MCAT: variants seen among roughly 807,000 people sequenced by gnomAD.
The protein encoded by MCAT is malonyl-CoA-acyl carrier protein transacylase.
A neutral mutation model predicts 22.9 loss-of-function variants in MCAT; 22 were observed. The ratio of observed to expected loss-of-function variants is 0.96; its 90% CI spans 0.69 to 1.37. MCAT has a LOEUF of 1.37. Ranked by LOEUF, MCAT falls within the 40% of genes most tolerant of loss-of-function variation. The probability of loss-of-function intolerance (pLI) is 0.00; values close to 1 mark genes in which losing one functional copy is unlikely to be tolerated. For synonymous variants in MCAT, 240 were observed against 233.9 expected (o/e 1.03, Z -0.24); for missense variants, 534 against 533.6 (o/e 1.00, Z -0.01).
rs781067666 is a variant in MCAT, at chr22:43,133,106, G to A, written c.1110C>T (p.Ser370=). The A allele has an allele frequency of 1.2e-5, 20 of 1,614,084 alleles. No individual in the cohort carries two copies. The East Asian group carries it at 1.3e-4, about 11-fold the overall frequency. The change falls in exon 4 of 4, where the codon AGC becomes AGT. Residue 370 remains serine, a synonymous_variant. Transcript: ENST00000290429. ...CGAGGGTCTGCAGCACATCCACGGC[G>A]CTGTAGGACTTCCAGGCCTGCATGT... ...SCNMQAWKSY[S]AVDVLQTLEH...
intron 2 of MCAT, among the ~76,000 whole-genome samples, chr22:43,140,306 C>G (rs922057448): frequency 1.3e-5 from 2 of 152,128 alleles, no homozygotes; most frequent in African/African-American, 4.8e-5. Context: ...TCCTGAGTAG[C>G]TGGAATTACA....
In MCAT at chr22:43,142,829, T is replaced by C. The variant is rs957492708; in HGVS notation, c.423+97A>G. The C allele has an allele frequency of 3.2e-6, 4 of 1,267,538 alleles. No individual in the cohort carries two copies. In the African/African-American group the frequency reaches 6.4e-5, roughly 20 times the overall value. The allele number at this position is 1,267,538 out of a possible 1,614,324, so 78.5% of individuals were successfully genotyped here. On this transcript the variant is annotated intron_variant, in intron 1 of 3. Transcript: ENST00000290429. The stretch of plus-strand genomic sequence containing the variant: ...AAAACTCGATCGAATGAGTAAGACG[T>C]GGGAGCCCCCGGAATGGCAGGCGGA...
Position 43,137,080 on chromosome 22 carries a change from C to T in MCAT, c.729+1G>A. 6.2e-7 allele frequency: 1 copy of T among 1,614,060 alleles called. No homozygotes were observed. The highest frequency in any genetic ancestry group is 8.5e-7 in the Non-Finnish European group (1 of 1,179,900). On this transcript the variant is annotated splice_donor_variant, in intron 3 of 3. Coordinates refer to ENST00000290429, the MANE Select transcript of MCAT (RefSeq NM_173467.5). LOFTEE classifies it high-confidence loss of function. ...TGAAGGCAGTTCCCATCAACACCCA[C>T]CTCTTGGTGTCCTGAAATCACCCTG...
In MCAT at chr22:43,138,712, G is replaced by A. The variant is rs144660490; in HGVS notation, c.512-1414C>T. Reference sequence around the variant, plus strand: ...TGTTCATGCCACTGTATTCCAGCCTGGGTGACAGAGCGAGACCCTGTCTCA... The same window carrying A: ...TGTTCATGCCACTGTATTCCAGCCTAGGTGACAGAGCGAGACCCTGTCTCA... On this transcript the variant is annotated intron_variant, in intron 2 of 3. Transcript: ENST00000290429. 3.2e-3 allele frequency among the ~76,000 whole-genome samples: 484 copies of A among 152,086 alleles called. 2 individuals carry two copies. Among genetic ancestry groups the A allele is most frequent in the African/African-American group, 0.011 (437 of 41,458 alleles).
intron 2 of MCAT, among the ~76,000 whole-genome samples, chr22:43,137,509 A>C (rs2072855): frequency 0.55 from 83,718 of 151,998 alleles, 26,298 homozygotes; most frequent in Non-Finnish European, 0.7. Flanking sequence ...GCACTATACA[A>C]ACTAACCCAA....
rs541364511 is a variant in MCAT at position 43,141,216 on chromosome 22, T to C, written c.457A>G (p.Ser153Gly). The C allele has an allele frequency of 5.0e-6, 8 of 1,614,092 alleles. No homozygotes were observed. Among genetic ancestry groups the C allele is most frequent in the African/African-American group, 4.0e-5 (3 of 75,036 alleles). The change falls in exon 2 of 4, where the codon AGT (serine) becomes GGT (glycine). Residue 153 changes from serine (S) to glycine (G), a missense_variant. Physicochemically the swap from Ser to Gly is moderately conservative, Grantham distance 56. Transcript: ENST00000290429. The part of the protein sequence containing the change: ...IENCVAAAGF[S>G]VGEFAALVFA... ...ACTAGGGCTGCAAACTCTCCCACAC[T>C]GAATCCAGCAGCAGCAACACAGTTC... is the stretch of plus-strand genomic sequence containing the variant.
In MCAT at chr22:43,142,909, G is replaced by A; in HGVS notation, c.423+17C>T. ...GAGCTCACCTTCCCCCTCCTGTCAC[G>A]GGGCCTCGGGCCTCACCGAGGGCTG... On this transcript the variant is annotated intron_variant, in intron 1 of 3. Transcript: ENST00000290429. 2 of 1,506,482 alleles carry A rather than the reference G, an allele frequency of 1.3e-6. No homozygotes were observed. The highest frequency in any genetic ancestry group is 1.3e-5 in the South Asian group (1 of 76,978). 93.3% of individuals were successfully genotyped at this position (1,506,482 alleles called of 1,614,324 possible). A position where few individuals can be genotyped will look rare whatever the true frequency, so the allele number is the denominator to read the frequency against.
At position 43,132,939 on chromosome 22, in the gene MCAT, A is replaced by C. The variant is rs1930487559; in HGVS notation, c.*104T>G. On this transcript the variant is annotated 3_prime_UTR_variant, in exon 4 of 4. Coordinates refer to ENST00000290429, the MANE Select transcript of MCAT (RefSeq NM_173467.5). ...AGCACGTTGCAAACAAATCCCTTTC[A>C]CTCCTCAGAGGAGGAGCCATTAGGA... is the stretch of plus-strand genomic sequence containing the variant. 3 of 1,050,112 alleles carry C rather than the reference A, an allele frequency of 2.9e-6. No homozygotes were observed. In the Admixed American group the frequency reaches 7.1e-5, roughly 25 times the overall value. The allele number at this position is 1,050,112 out of a possible 1,614,324, so 65.0% of individuals were successfully genotyped here. A position where few individuals can be genotyped will look rare whatever the true frequency, so the allele number is the denominator to read the frequency against.
intron 3 of MCAT, among the ~76,000 whole-genome samples, chr22:43,136,593 G>A (rs567780066): frequency 2.9e-4 from 44 of 152,320 alleles, no homozygotes; most frequent in African/African-American, 1.0e-3. Flanking sequence ...CAGGAACCCT[G>A]GCTAATCAGT....
chr22:43,143,078 A>G lies in MCAT; in HGVS notation c.271T>C (p.Tyr91His), dbSNP rs759190029. The G allele has an allele frequency of 3.7e-6, 6 of 1,608,218 alleles. No homozygotes were observed. The Admixed American group carries it at 5.0e-5, about 13-fold the overall frequency. ...LLNYPRVREL[Y>H]AAARRVLGYD... Reference sequence around the variant, plus strand: ...CCCAGCACGCGGCGGGCGGCGGCGTAGAGTTCGCGGACGCGCGGGTAGTTG... The same window carrying G: ...CCCAGCACGCGGCGGGCGGCGGCGTGGAGTTCGCGGACGCGCGGGTAGTTG... The change falls in exon 1 of 4, where the codon TAC (tyrosine) becomes CAC (histidine). Residue 91 changes from tyrosine (Y) to histidine (H), a missense_variant. By Grantham distance (83) the Tyr-to-His change is moderately conservative. Transcript: ENST00000290429.
intron 3 of MCAT, among the ~76,000 whole-genome samples, chr22:43,136,016 G>A (rs1283639948): frequency 1.3e-5 from 2 of 152,200 alleles, no homozygotes; most frequent in African/African-American, 4.8e-5. Context: ...GCTGAGGTGG[G>A]GGGATCCCTT....
At position 43,143,359 on chromosome 22, in the gene MCAT, C is replaced by T. The variant is rs779152256; in HGVS notation, c.-11G>A. ...GACCCGGACGCTCATGGTCGGACACCTGCCCGCGCGCGTTACCGTGGCGAC... is the reference window on the plus strand; with the variant it reads ...GACCCGGACGCTCATGGTCGGACACTTGCCCGCGCGCGTTACCGTGGCGAC... On this transcript the variant is annotated 5_prime_UTR_variant, in exon 1 of 4. Coordinates refer to ENST00000290429, the MANE Select transcript of MCAT (RefSeq NM_173467.5). 1.6e-5 allele frequency: 22 copies of T among 1,357,468 alleles called. No individual in the cohort carries two copies. Among genetic ancestry groups the T allele is most frequent in the African/African-American group, 3.1e-5 (2 of 65,052 alleles). 84.1% of individuals were successfully genotyped at this position (1,357,468 alleles called of 1,614,324 possible).
At chr22:43,141,357 T>G (rs575507909) in intron 1 of MCAT, 108 bp from the exon 2 acceptor site, 3 of 879,346 alleles carry the variant, frequency 3.4e-6, no homozygotes, top group Non-Finnish European at 5.6e-6. Flanking sequence ...TGAGCCAGGT[T>G]CTACGAACTT....
rs371088583 is a variant in MCAT, at chr22:43,141,507, T to C, written c.424-258A>G. Among the ~76,000 whole-genome samples, 11 of 152,290 alleles carry C rather than the reference T, an allele frequency of 7.2e-5. No homozygotes were observed. In the East Asian group the frequency reaches 1.7e-3, roughly 24 times the overall value. On this transcript the variant is annotated intron_variant, in intron 1 of 3. Coordinates refer to ENST00000290429, the MANE Select transcript of MCAT (RefSeq NM_173467.5). ...TCACACTGACGCCAACCCAGGGCTC[T>C]GGATTCCCTTGCCATGGCCCTGCAG...
In MCAT at chr22:43,142,925, C is replaced by T. The variant is rs1488653461; in HGVS notation, c.423+1G>A. 28 of 1,547,422 alleles carry T rather than the reference C, an allele frequency of 1.8e-5. No individual in the cohort carries two copies. The highest frequency in any genetic ancestry group is 2.4e-5 in the Non-Finnish European group (28 of 1,144,346). On this transcript the variant is annotated splice_donor_variant, in intron 1 of 3. Transcript: ENST00000290429. LOFTEE classifies it high-confidence loss of function. ...TCCTGTCACGGGGCCTCGGGCCTCA[C>T]CGAGGGCTGCAGGTGATGTAGTTTC...
intron 3 of MCAT, among the ~76,000 whole-genome samples, chr22:43,134,291 G>A (rs1002562521): frequency 6.6e-5 from 10 of 152,110 alleles, no homozygotes; most frequent in Admixed American, 4.6e-4. Flanking sequence ...AAGGGGCCTC[G>A]GGCGAGCCAA....
At chr22:43,133,807 C>CT (rs59733103) in intron 3 of MCAT, among the ~76,000 whole-genome samples, 8,006 of 141,236 alleles carry the variant, frequency 0.057, 250 homozygotes, top group Non-Finnish European at 0.065. Flanking sequence ...AATGAGAATT[C>CT]TTTTTTTTTT....
chr22:43,140,740 C>T (rs1043442740), intron 2 of MCAT: 1 of 166,630 alleles, frequency 6.0e-6, no homozygotes, highest in African/African-American at 2.4e-5. Context: ...GTCCTCCTGC[C>T]TTGGCCTCCC....
At chr22:43,141,315 C>A in intron 1 of MCAT, 66 bp from the exon 2 acceptor site, 1 of 1,380,392 alleles carries the variant, frequency 7.2e-7, no homozygotes, top group Non-Finnish European at 1.0e-6. Flanking sequence ...GGGCTCTGTA[C>A]CTGAGAGCTG....
Sources: allele counts gnomAD v4.1 joint callset (sites outside exome capture counted in the v4.1 genomes callset), GRCh38; gene constraint gnomAD v4.1.1; transcripts MANE v1.5; gene names NCBI Gene and HGNC (gene_info 2026-07-23, HGNC 2026-07-21).